Variants in MTCL3 observed in about 807,000 individuals in gnomAD.
MTCL3 encodes microtubule cross-linking factor 3.
the MTCL3 span, among the ~76,000 whole-genome samples, chr6:127,479,144 A>C: frequency 6.6e-6 from 1 of 152,196 alleles, no homozygotes; most frequent in Non-Finnish European, 1.5e-5. Flanking sequence ...AACATGACCA[A>C]AAATGATATG....
chr6:127,495,389 TA>T, the MTCL3 span, among the ~76,000 whole-genome samples: 34 of 152,106 alleles, frequency 2.2e-4, no homozygotes, highest in African/African-American at 7.5e-4. Flanking sequence ...CAGAGTTCCT[TA>T]AGGCCTTTGT....
At chr6:127,504,270 G>T in the MTCL3 span, among the ~76,000 whole-genome samples, 1 of 152,216 alleles carries the variant, frequency 6.6e-6, no homozygotes, top group East Asian at 1.9e-4. Context: ...GAAGTATTTG[G>T]TATAGTAATG....
the MTCL3 span, chr6:127,514,788 C>A: frequency 6.3e-7 from 1 of 1,579,016 alleles, no homozygotes; most frequent in Non-Finnish European, 8.6e-7. Flanking sequence ...ACCCACCGCC[C>A]CTGCCGCGCG....
chr6:127,479,867 A>G, the MTCL3 span, among the ~76,000 whole-genome samples: 367 of 152,318 alleles, frequency 2.4e-3, no homozygotes, highest in Non-Finnish European at 3.7e-3. Flanking sequence ...CAACTATTGT[A>G]GGCTGCATTG....
chr6:127,516,575 C>CT, the MTCL3 span: 1 of 1,597,846 alleles, frequency 6.3e-7, no homozygotes, highest in Non-Finnish European at 8.5e-7. Flanking sequence ...GAAGCTGCTG[C>CT]TGTGGCAGGG....
chr6:127,499,921 C>T, the MTCL3 span, among the ~76,000 whole-genome samples: 10 of 152,262 alleles, frequency 6.6e-5, no homozygotes, highest in African/African-American at 2.2e-4. Context: ...CCCCTTCAGG[C>T]GATAGATCCC....
chr6:127,489,934 G>A, the MTCL3 span, among the ~76,000 whole-genome samples: 43 of 152,344 alleles, frequency 2.8e-4, no homozygotes, highest in South Asian at 8.7e-3. Context: ...TTTCAATGTA[G>A]ATAAAACAGC....
At chr6:127,515,410 G>A in the MTCL3 span, 5 of 1,145,720 alleles carry the variant, frequency 4.4e-6, no homozygotes, top group Non-Finnish European at 4.7e-6. The surrounding 1 kb of genome is among the most constrained non-coding windows in gnomAD (Gnocchi z 4.3). Context: ...CCCTCTTCAA[G>A]GCTCCCTAAC....
the MTCL3 span, among the ~76,000 whole-genome samples, chr6:127,499,592 A>T: frequency 8.2e-3 from 1,253 of 152,328 alleles, 10 homozygotes; most frequent in Middle Eastern, 0.017. Flanking sequence ...TCAGAGTAAA[A>T]GGTCTGTATG....
At chr6:127,485,768 T>C in the MTCL3 span, among the ~76,000 whole-genome samples, 1 of 152,126 alleles carries the variant, frequency 6.6e-6, no homozygotes, top group Non-Finnish European at 1.5e-5. Flanking sequence ...ATAAAAAGGA[T>C]GCAATTAGCA....
chr6:127,485,053 A>C, the MTCL3 span, among the ~76,000 whole-genome samples: 1 of 152,206 alleles, frequency 6.6e-6, no homozygotes, highest in African/African-American at 2.4e-5. Context: ...ATGATTTAAT[A>C]AGCTAAAGTT....
At chr6:127,507,501 T>C in the MTCL3 span, among the ~76,000 whole-genome samples, 62 of 152,316 alleles carry the variant, frequency 4.1e-4, 1 homozygote, top group Non-Finnish European at 1.5e-4. Flanking sequence ...TGACTGAATA[T>C]TAAAGATCAC....
At chr6:127,474,787 C>G in the MTCL3 span, among the ~76,000 whole-genome samples, 1 of 152,126 alleles carries the variant, frequency 6.6e-6, no homozygotes, top group Non-Finnish European at 1.5e-5. Flanking sequence ...CCTTGCTGAC[C>G]AGGCTGGACT....
At chr6:127,494,057 G>A in the MTCL3 span, among the ~76,000 whole-genome samples, 2 of 152,150 alleles carry the variant, frequency 1.3e-5, no homozygotes, top group Non-Finnish European at 2.9e-5. Context: ...TCTTCACAGG[G>A]CCAAATAGGT....
the MTCL3 span, chr6:127,513,013 A>T: frequency 6.2e-7 from 1 of 1,611,608 alleles, no homozygotes. Flanking sequence ...ACATTTTCTA[A>T]TTCATGGTGA....
the MTCL3 span, among the ~76,000 whole-genome samples, chr6:127,509,315 A>G: frequency 1.3e-5 from 2 of 152,204 alleles, no homozygotes; most frequent in Non-Finnish European, 2.9e-5. Context: ...TGCCTACTCC[A>G]TCCTCTCAGG....
the MTCL3 span, among the ~76,000 whole-genome samples, chr6:127,480,563 G>A: frequency 6.6e-6 from 1 of 152,168 alleles, no homozygotes; most frequent in Admixed American, 6.5e-5. Context: ...TGGCAATTTT[G>A]TGTGATTTCG....
chr6:127,488,716 G>C, the MTCL3 span, among the ~76,000 whole-genome samples: 3 of 152,164 alleles, frequency 2.0e-5, no homozygotes, highest in Non-Finnish European at 4.4e-5. Context: ...TCAACAAAAA[G>C]ACTAAAGAGT....
At chr6:127,478,965 C>T in the MTCL3 span, among the ~76,000 whole-genome samples, 1 of 146,140 alleles carries the variant, frequency 6.8e-6, no homozygotes, top group African/African-American at 2.5e-5. Flanking sequence ...TGCAGTAAGC[C>T]GAGATTGCGC....
Sources: allele counts gnomAD v4.1 joint callset (sites outside exome capture counted in the v4.1 genomes callset), GRCh38; gene constraint gnomAD v4.1.1; non-coding constraint Gnocchi (gnomAD v3.1); transcripts MANE v1.5; gene names NCBI Gene and HGNC (gene_info 2026-07-23, HGNC 2026-07-21).